Variants in DCT observed in about 807,000 individuals in gnomAD.
The protein encoded by DCT is L-dopachrome tautomerase.
Under a neutral mutation model 53.0 loss-of-function variants are expected in DCT, and 47 were observed. The ratio of observed to expected loss-of-function variants is 0.89; its 90% confidence interval spans 0.70 to 1.13. The LOEUF is 1.13. Among genes scored for constraint, DCT ranks in the 50% most tolerant of loss-of-function variants. The pLI, the probability that DCT is intolerant of heterozygous loss-of-function variation, is 0.00. For missense variants in DCT, 669 were observed against 637.4 expected (o/e 1.05, Z -0.53); for synonymous variants, 244 against 237.0 (o/e 1.03, Z -0.27).
chr13:94,508,240 A>C, the DCT span, among the ~76,000 whole-genome samples: 57,727 of 152,066 alleles, frequency 0.38, 11,436 homozygotes, highest in East Asian at 0.61. Context: ...TAGATTATTT[A>C]TTTTATTCCT....
chr13:94,483,387 T>C (rs1885528743), upstream of DCT, among the ~76,000 whole-genome samples: 6 of 151,924 alleles, frequency 3.9e-5, no homozygotes, highest in East Asian at 7.7e-4. Context: ...AAGCCTTTGG[T>C]AACCCAGTCA....
At chr13:94,517,200 C>T in the DCT span, among the ~76,000 whole-genome samples, 2 of 152,184 alleles carry the variant, frequency 1.3e-5, no homozygotes, top group South Asian at 2.1e-4. Context: ...CCAACAACAT[C>T]GTTTCATTTC....
At chr13:94,528,109 A>G in the DCT span, among the ~76,000 whole-genome samples, 1 of 152,216 alleles carries the variant, frequency 6.6e-6, no homozygotes, top group African/African-American at 2.4e-5. Flanking sequence ...AAAAGCAATG[A>G]ACAAAACCTC....
intron 1 of DCT, 64 bp downstream of exon 1, chr13:94,478,897 T>C: frequency 6.8e-7 from 1 of 1,471,832 alleles, no homozygotes; most frequent in South Asian, 1.3e-5. Flanking sequence ...TCTCATCTCT[T>C]CCTTAGAAGG....
intron 4 of DCT, among the ~76,000 whole-genome samples, chr13:94,464,566 G>A (rs1261703649): frequency 6.6e-6 from 1 of 152,002 alleles, no homozygotes; most frequent in Admixed American, 6.6e-5. Flanking sequence ...CTTGAACCAG[G>A]GAGTCGGAGG....
the DCT span, among the ~76,000 whole-genome samples, chr13:94,488,511 T>C: frequency 6.6e-6 from 1 of 151,944 alleles, no homozygotes; most frequent in African/African-American, 2.4e-5. Context: ...GCTCAGGAGT[T>C]TGAGACCAGC....
the DCT span, among the ~76,000 whole-genome samples, chr13:94,508,198 A>T: frequency 1.3e-5 from 2 of 152,226 alleles, no homozygotes; most frequent in African/African-American, 2.4e-5. Context: ...TTTGATTCCT[A>T]CTACATATGA....
chr13:94,529,914 AG>A, the DCT span, among the ~76,000 whole-genome samples: 1 of 152,242 alleles, frequency 6.6e-6, no homozygotes, highest in Non-Finnish European at 1.5e-5. Flanking sequence ...AAAGAAGAAA[AG>A]AGAGAAGAAT....
rs530880891 is a variant in DCT at position 94,479,645 on chromosome 13, C to G, written c.-390G>C. ...TGGTATTTCTAAACCCTCTCCCTCC[C>G]TCCTTAGCTCTTGACTTTAATTGCC... is the stretch of plus-strand genomic sequence containing the variant. On this transcript the variant is annotated 5_prime_UTR_variant, in exon 1 of 8. Coordinates refer to ENST00000377028, the MANE Select transcript of DCT (RefSeq NM_001922.5). The G allele has an allele frequency of 4.2e-5, 7 of 167,528 alleles. No homozygotes were observed. In the South Asian group the frequency reaches 4.9e-4, roughly 12 times the overall value. 10.4% of individuals were successfully genotyped at this position (167,528 alleles called of 1,614,324 possible). A position where few individuals can be genotyped will look rare whatever the true frequency, so the allele number is the denominator to read the frequency against.
chr13:94,481,134 GT>G (rs1885424533), upstream of DCT, among the ~76,000 whole-genome samples: 1 of 152,210 alleles, frequency 6.6e-6, no homozygotes, highest in Non-Finnish European at 1.5e-5. Flanking sequence ...CCATCTGTCT[GT>G]GTTTTTCCTC....
the DCT span, among the ~76,000 whole-genome samples, chr13:94,508,388 C>A: frequency 6.6e-6 from 1 of 152,174 alleles, no homozygotes; most frequent in East Asian, 1.9e-4. Context: ...TGAGTTGTCA[C>A]AGCAACAGGC....
At chr13:94,495,485 G>A in the DCT span, among the ~76,000 whole-genome samples, 1 of 152,084 alleles carries the variant, frequency 6.6e-6, no homozygotes, top group Non-Finnish European at 1.5e-5. Flanking sequence ...AAAGCAGAGC[G>A]CCCAAGACAT....
the DCT span, among the ~76,000 whole-genome samples, chr13:94,548,526 A>T: frequency 1.3e-5 from 2 of 151,976 alleles, no homozygotes; most frequent in African/African-American, 2.4e-5. Context: ...TCTTATTTTT[A>T]AAATTTAGAT....
At chr13:94,450,045 T>C (rs200226680) in intron 6 of DCT, among the ~76,000 whole-genome samples, 1 of 152,146 alleles carries the variant, frequency 6.6e-6, no homozygotes, top group Non-Finnish European at 1.5e-5. Context: ...GGGAAATAAT[T>C]AAGCCATAAG....
chr13:94,468,801 A>T lies in DCT; in HGVS notation c.540T>A (p.Ser180Arg), dbSNP rs1329890061. 1.9e-6 allele frequency: 3 copies of T among 1,614,002 alleles called. No homozygotes were observed. Among genetic ancestry groups the T allele is most frequent in the Non-Finnish European group, 2.5e-6 (3 of 1,180,010 alleles). ...GGAGCCACACAAAAAAATCATAAAC[A>T]CTGCAGTTGGCAAACTGCGGCTGGG... ...NGTQPQFANC[S>R]VYDFFVWLHY... Residue 180 changes from serine (S) to arginine (R), a missense_variant, in exon 2 of 8, where the codon AGT (serine) becomes AGA (arginine). Physicochemically the swap from Ser to Arg is moderately radical, Grantham distance 110. Coordinates refer to ENST00000377028, the MANE Select transcript of DCT (RefSeq NM_001922.5).
chr13:94,527,067 G>A, the DCT span, among the ~76,000 whole-genome samples: 1 of 152,198 alleles, frequency 6.6e-6, no homozygotes, highest in Admixed American at 6.5e-5. Flanking sequence ...CTTGACTGGG[G>A]AGGGGCGTCT....
the DCT span, among the ~76,000 whole-genome samples, chr13:94,548,361 AAT>A: frequency 6.6e-6 from 1 of 152,044 alleles, no homozygotes; most frequent in African/African-American, 2.4e-5. Context: ...GTAGTTCATA[AAT>A]ATGAGTTTCC....
chr13:94,537,063 C>T, the DCT span, among the ~76,000 whole-genome samples: 1 of 152,306 alleles, frequency 6.6e-6, no homozygotes, highest in African/African-American at 2.4e-5. Context: ...ATAAATTTCC[C>T]AGTGTCACGT....
At chr13:94,484,270 A>G (rs758237052), upstream of DCT, among the ~76,000 whole-genome samples, 16 of 152,214 alleles carry the variant, frequency 1.1e-4, no homozygotes, top group Non-Finnish European at 2.9e-5. Flanking sequence ...GGCAAAAAGC[A>G]AGTCCGCGGG....
Sources: gnomAD v4.1 joint callset for allele counts (sites outside exome capture counted in the v4.1 genomes callset) on GRCh38, gnomAD v4.1.1 for gene constraint, MANE v1.5 for transcripts, NCBI Gene and HGNC (gene_info 2026-07-23, HGNC 2026-07-21) for gene names.